The following MAGI2 variants were observed in gnomAD, a reference collection of about 807,000 sequenced individuals.
MAGI2 encodes the protein membrane-associated guanylate kinase, WW and PDZ domain-containing protein 2.
MAGI2 carries 35 observed loss-of-function variants against 133.3 expected under a neutral mutation model. The observed-to-expected ratio is 0.26, with a 90% confidence interval of 0.20 to 0.35. MAGI2 has a LOEUF of 0.35. MAGI2 is among the 10% of genes least tolerant of loss of function. The pLI is 1.00. For missense variants in MAGI2, 1,636 were observed against 1,863.4 expected (o/e 0.88, Z 2.25); for synonymous variants, 729 against 710.6 (o/e 1.03, Z -0.41).
chr7:78,480,993 CA>C (rs1203258844), intron 6 of MAGI2, among the ~76,000 whole-genome samples: 2 of 151,870 alleles, frequency 1.3e-5, no homozygotes, highest in Non-Finnish European at 2.9e-5. Context: ...ATATTATTGT[CA>C]ACTTAATCTG....
intron 6 of MAGI2, among the ~76,000 whole-genome samples, chr7:78,373,053 G>C (rs1193552914): frequency 6.6e-6 from 1 of 152,074 alleles, no homozygotes; most frequent in Non-Finnish European, 1.5e-5. Flanking sequence ...AAACTTCTGG[G>C]CTCAAGGAAT....
chr7:78,558,883 C>T (rs952778243), intron 3 of MAGI2, among the ~76,000 whole-genome samples: 34 of 148,048 alleles, frequency 2.3e-4, no homozygotes, highest in Non-Finnish European at 3.0e-4. Context: ...GTCAACACAC[C>T]AGGATGACTT....
At chr7:78,054,080 T>C (rs2151115844) in intron 21 of MAGI2, among the ~76,000 whole-genome samples, 1 of 152,324 alleles carries the variant, frequency 6.6e-6, no homozygotes, top group African/African-American at 2.4e-5. Context: ...GATATGGTAG[T>C]TCTTTCTCAA....
intron 10 of MAGI2, among the ~76,000 whole-genome samples, chr7:78,242,910 A>T (rs1209229166): frequency 6.6e-6 from 1 of 152,012 alleles, no homozygotes; most frequent in Non-Finnish European, 1.5e-5. Context: ...TAATGTTACA[A>T]AAAATACAAA....
chr7:78,835,366 G>A (rs1397218506), intron 2 of MAGI2, among the ~76,000 whole-genome samples: 1 of 152,174 alleles, frequency 6.6e-6, no homozygotes, highest in Non-Finnish European at 1.5e-5. Flanking sequence ...CAGTTAATCA[G>A]CAACAGATGT....
At chr7:79,440,727 C>CAA (rs553892669) in intron 1 of MAGI2, among the ~76,000 whole-genome samples, 3 of 150,522 alleles carry the variant, frequency 2.0e-5, no homozygotes, top group Non-Finnish European at 4.4e-5. Context: ...CTGCAAGTAA[C>CAA]AAAAAAAAAT....
intron 4 of MAGI2, among the ~76,000 whole-genome samples, chr7:78,517,832 A>G (rs773864133): frequency 6.6e-5 from 10 of 152,170 alleles, no homozygotes; most frequent in Non-Finnish European, 1.2e-4. Flanking sequence ...AAGAACACTC[A>G]GTAAAATAAA....
intron 1 of MAGI2, among the ~76,000 whole-genome samples, chr7:79,055,737 A>C (rs1003916180): frequency 6.6e-6 from 1 of 152,220 alleles, no homozygotes; most frequent in Non-Finnish European, 1.5e-5. Flanking sequence ...CTATGAACTT[A>C]GAGCTTGTTT....
chr7:78,914,702 G>C (rs1584376839), intron 2 of MAGI2, among the ~76,000 whole-genome samples: 1 of 152,114 alleles, frequency 6.6e-6, no homozygotes, highest in East Asian at 1.9e-4. Context: ...TATATTGTTA[G>C]AGAAAATAGA....
chr7:78,133,675 C>T (rs1821796175), intron 17 of MAGI2, among the ~76,000 whole-genome samples: 1 of 152,230 alleles, frequency 6.6e-6, no homozygotes, highest in Middle Eastern at 3.4e-3. Flanking sequence ...GAAATTGACT[C>T]TATATATTGG....
At chr7:78,142,315 G>A (rs954406866) in intron 16 of MAGI2, among the ~76,000 whole-genome samples, 4 of 152,014 alleles carry the variant, frequency 2.6e-5, no homozygotes, top group African/African-American at 4.8e-5. Context: ...TCTTCCTTGC[G>A]CCACTCCACT....
chr7:78,077,364 C>T (rs373307382), intron 21 of MAGI2, among the ~76,000 whole-genome samples: 19 of 151,654 alleles, frequency 1.3e-4, no homozygotes, highest in African/African-American at 4.1e-4. Flanking sequence ...GGGATTAATG[C>T]TGGTACATTT....
intron 2 of MAGI2, among the ~76,000 whole-genome samples, chr7:78,739,533 GC>G (rs774000592): frequency 9.2e-5 from 14 of 152,224 alleles, no homozygotes; most frequent in South Asian, 8.3e-4. Context: ...GTCATAAGTT[GC>G]CCATGTAGGA....
At chr7:78,074,508 A>G (rs534345686) in intron 21 of MAGI2, among the ~76,000 whole-genome samples, 2 of 152,200 alleles carry the variant, frequency 1.3e-5, no homozygotes, top group East Asian at 3.9e-4. Flanking sequence ...TAAAAAAAAA[A>G]TCGGTTTTCC....
chr7:78,758,348 C>T (rs529876845), intron 2 of MAGI2, among the ~76,000 whole-genome samples: 16 of 152,044 alleles, frequency 1.1e-4, no homozygotes, highest in South Asian at 2.1e-4. Flanking sequence ...ACTTGTAGTA[C>T]GAATGAAGTA....
At chr7:78,273,509 GGAT>G (rs1408854142) in intron 9 of MAGI2, among the ~76,000 whole-genome samples, 1 of 152,114 alleles carries the variant, frequency 6.6e-6, no homozygotes, top group Non-Finnish European at 1.5e-5. Flanking sequence ...AAGTTCTCCT[GGAT>G]GATATCCTGA....
intron 6 of MAGI2, among the ~76,000 whole-genome samples, chr7:78,373,720 G>C (rs973479243): frequency 1.1e-4 from 16 of 152,110 alleles, no homozygotes; most frequent in African/African-American, 3.9e-4. Flanking sequence ...TAGTAGCACA[G>C]AGCAGTTTTT....
intron 3 of MAGI2, among the ~76,000 whole-genome samples, chr7:78,581,983 T>C (rs1203529939): frequency 6.6e-6 from 1 of 152,188 alleles, no homozygotes. Flanking sequence ...ATGAGAATCT[T>C]AGGACCTGCT....
chr7:78,361,329 C>G (rs10261582), intron 7 of MAGI2, among the ~76,000 whole-genome samples: 121,884 of 150,314 alleles, frequency 0.81, 49,499 homozygotes, highest in Admixed American at 0.85. Flanking sequence ...GGAGGCGGAG[C>G]TTGCAGTGAG....
Sources: allele counts gnomAD v4.1 joint callset (sites outside exome capture counted in the v4.1 genomes callset), GRCh38; gene constraint gnomAD v4.1.1; transcripts MANE v1.5; gene names NCBI Gene and HGNC (gene_info 2026-07-23, HGNC 2026-07-21).